ABCC1: variants seen among roughly 807,000 people sequenced by gnomAD.
ABCC1 encodes multidrug resistance-associated protein 1.
In ABCC1, 83 loss-of-function variants were observed where a neutral mutation model predicts 172.9. The observed-to-expected ratio is 0.48, with a 90% CI of 0.40 to 0.58. The LOEUF (loss-of-function observed/expected upper bound fraction) is 0.58, where lower values mean the gene tolerates loss of function less well. ABCC1 is among the 20% of genes least tolerant of loss of function. The pLI, the probability that ABCC1 is intolerant of heterozygous loss-of-function variation, is 0.00. For missense variants in ABCC1, 1,817 were observed against 2,002.7 expected, an observed-to-expected ratio of 0.91 and a Z score of 1.77; for synonymous variants, 937 against 825.2, an observed-to-expected ratio of 1.14 and a Z score of -2.32.
chr16:16,074,143 A>G (rs934769627), intron 14 of ABCC1, among the ~76,000 whole-genome samples: 1 of 152,036 alleles, frequency 6.6e-6, no homozygotes, highest in Admixed American at 6.6e-5. Flanking sequence ...GTGGTTGGGG[A>G]CTGTCCTGTG....
At position 16,042,063 on chromosome 16, in the gene ABCC1, G is replaced by A. The variant is rs72775888; in HGVS notation, c.810-2387G>A. On this transcript the variant is annotated intron_variant, in intron 7 of 30. Transcript: ENST00000399410. ...GTGCTTCATTGGTTTGTGTGTAGTG[G>A]TTTTATGTTCTCTTTTGTGTATGGC... Among the ~76,000 whole-genome samples the A allele has an allele frequency of 7.0e-3, 1,066 of 152,022 alleles. 8 individuals are homozygous for A. The highest frequency in any genetic ancestry group is 0.014 in the Middle Eastern group (4 of 294).
intron 23 of ABCC1, among the ~76,000 whole-genome samples, chr16:16,120,165 T>G (rs942979810): frequency 6.6e-6 from 1 of 151,934 alleles, no homozygotes; most frequent in Non-Finnish European, 1.5e-5. Context: ...ATGCTTTTTG[T>G]TGGACTCTGC....
chr16:16,082,740 T>A (rs570265182), intron 16 of ABCC1, among the ~76,000 whole-genome samples: 13 of 152,296 alleles, frequency 8.5e-5, no homozygotes, highest in Non-Finnish European at 1.8e-4. Context: ...CTCCATTTCC[T>A]GGGCTCAGGT....
chr16:15,959,902 C>G (rs1326567182), intron 1 of ABCC1, among the ~76,000 whole-genome samples: 1 of 152,008 alleles, frequency 6.6e-6, no homozygotes, highest in Non-Finnish European at 1.5e-5. Context: ...AGAAACCTGT[C>G]TAGGGAGGGA....
chr16:16,049,840 C>A (rs987311515), intron 10 of ABCC1, among the ~76,000 whole-genome samples: 2 of 151,936 alleles, frequency 1.3e-5, no homozygotes, highest in East Asian at 1.9e-4. Context: ...TACACCACCA[C>A]GCCCATTAAA....
At chr16:16,045,017 C>T (rs2049144322) in intron 8 of ABCC1, among the ~76,000 whole-genome samples, 1 of 152,088 alleles carries the variant, frequency 6.6e-6, no homozygotes, top group Admixed American at 6.6e-5. Context: ...GTAACAGAAA[C>T]CCACTAGGCT....
intron 17 of ABCC1, among the ~76,000 whole-genome samples, chr16:16,084,207 A>G (rs1379190335): frequency 1.3e-4 from 20 of 151,912 alleles, no homozygotes; most frequent in Admixed American, 1.3e-3. Flanking sequence ...CGTTCAGGTG[A>G]TTCTCCTGCC....
rs368963584 is a variant in ABCC1, at chr16:16,076,408, C to T, written c.1988+7C>T. On this transcript the variant is annotated splice_region_variant and intron_variant, in intron 15 of 30. Transcript: ENST00000399410. ...ACCCTCCCACACTGAATGGGTAAGC[C>T]GGGACGTGGACACACGTGATGGTGT... The T allele has an allele frequency of 9.4e-5, 151 of 1,602,226 alleles. No individual in the cohort carries two copies. The highest frequency in any genetic ancestry group is 1.1e-4 in the Non-Finnish European group (134 of 1,175,342).
intron 13 of ABCC1, 77 bp from the exon 14 acceptor site, chr16:16,071,565 C>T (rs1221583630): frequency 1.6e-6 from 2 of 1,266,754 alleles, no homozygotes; most frequent in South Asian, 1.3e-5. Context: ...TGGGGAAACC[C>T]TTGAAAGTTA....
intron 29 of ABCC1, among the ~76,000 whole-genome samples, chr16:16,137,545 C>CT (rs151237296): frequency 0.099 from 5,617 of 56,718 alleles, 1,642 homozygotes; most frequent in East Asian, 0.26. Context: ...GGTATGAGGC[C>CT]TTTTTTTTTT....
In ABCC1 at chr16:15,971,467, G is replaced by T. The variant is rs544558007; in HGVS notation, c.48+21668G>T. On this transcript the variant is annotated intron_variant, in intron 1 of 30. Transcript: ENST00000399410. ...CCGGGGCTTTACAAGAAACTTTTCCGGAGTTGCTTTAAAAACCAAACATTT... is the reference window on the plus strand; with the variant it reads ...CCGGGGCTTTACAAGAAACTTTTCCTGAGTTGCTTTAAAAACCAAACATTT... Among the ~76,000 whole-genome samples, 14 of 152,252 alleles carry T rather than the reference G, an allele frequency of 9.2e-5. No individual in the cohort carries two copies. The South Asian group carries it at 1.9e-3, about 20-fold the overall frequency.
chr16:16,068,080 C>T, intron 12 of ABCC1, 76 bp from the exon 13 acceptor site: 1 of 1,580,384 alleles, frequency 6.3e-7, no homozygotes, highest in Non-Finnish European at 8.6e-7. Context: ...AGCGCGTCTC[C>T]AGGGCCTGTC....
chr16:16,033,259 C>T, intron 6 of ABCC1, 89 bp downstream of exon 6: 3 of 1,268,402 alleles, frequency 2.4e-6, no homozygotes, highest in South Asian at 2.4e-5. Context: ...CTCCCCCTCC[C>T]CAACTTCTCC....
intron 19 of ABCC1, among the ~76,000 whole-genome samples, chr16:16,102,281 C>T (rs2051793519): frequency 6.6e-6 from 1 of 152,206 alleles, no homozygotes; most frequent in Non-Finnish European, 1.5e-5. Context: ...CATCCTGGTC[C>T]TAGGAAGTGA....
At chr16:15,995,576 G>T (rs943191899) in intron 1 of ABCC1, among the ~76,000 whole-genome samples, 1 of 152,096 alleles carries the variant, frequency 6.6e-6, no homozygotes, top group Non-Finnish European at 1.5e-5. Flanking sequence ...TGTGAGAGTG[G>T]AGACTTTATT....
chr16:16,021,488 A>G (rs979995245), intron 5 of ABCC1, among the ~76,000 whole-genome samples: 1 of 152,080 alleles, frequency 6.6e-6, no homozygotes, highest in African/African-American at 2.4e-5. Flanking sequence ...AGGCCGAGGC[A>G]GGTAGATCAC....
chr16:16,097,107 G>GTTTGT (rs778393083), intron 19 of ABCC1, among the ~76,000 whole-genome samples: 94 of 151,984 alleles, frequency 6.2e-4, no homozygotes, highest in South Asian at 4.8e-3. Context: ...GGTTTTGTTT[G>GTTTGT]TTTGTTTTGT....
chr16:15,999,276 T>A (rs371961772), intron 1 of ABCC1, among the ~76,000 whole-genome samples: 50 of 152,088 alleles, frequency 3.3e-4, no homozygotes, highest in African/African-American at 7.2e-4. Flanking sequence ...AAGTGCTGGG[T>A]TTACAGGCGT....
intron 19 of ABCC1, among the ~76,000 whole-genome samples, chr16:16,101,295 A>C (rs1303841983): frequency 6.6e-6 from 1 of 152,064 alleles, no homozygotes; most frequent in African/African-American, 2.4e-5. Context: ...CGGCCTTGAA[A>C]GTGCTGGGGA....
Sources: allele counts gnomAD v4.1 joint callset (sites outside exome capture counted in the v4.1 genomes callset), GRCh38; gene constraint gnomAD v4.1.1; transcripts MANE v1.5; gene names NCBI Gene and HGNC (gene_info 2026-07-23, HGNC 2026-07-21).